Variants in CFDP1 observed in about 807,000 individuals in gnomAD.
CFDP1 encodes heterochromatin-stabilizing protein CFDP1.
Under a neutral mutation model 40.1 loss-of-function variants are expected in CFDP1, and 31 were observed. The observed-to-expected ratio is 0.77, with a 90% CI of 0.58 to 1.04. The LOEUF is 1.04. Among genes scored for constraint, CFDP1 ranks in the 50% least tolerant of loss-of-function variants. The pLI, the probability that CFDP1 is intolerant of heterozygous loss-of-function variation, is 0.00. For missense variants in CFDP1, 423 were observed against 343.4 expected, an observed-to-expected ratio of 1.23 and a Z score of -1.83; for synonymous variants, 167 against 120.0, an observed-to-expected ratio of 1.39 and a Z score of -2.56.
chr16:75,416,517 T>C lies in CFDP1; in HGVS notation c.65-1822A>G, dbSNP rs533317698. ...GGCTCACGCCTATAATCTCAGCCCT[T>C]TGGGAGGCCGAGGCAGGTGGTTCGC... On this transcript the variant is annotated intron_variant, in intron 1 of 6. Transcript: ENST00000283882. 4.7e-5 allele frequency among the ~76,000 whole-genome samples: 7 copies of C among 150,410 alleles called. No individual in the cohort carries two copies. The South Asian group carries it at 1.3e-3, about 27-fold the overall frequency.
chr16:75,414,782 G>T, intron 1 of CFDP1, 87 bp from the exon 2 acceptor site: 1 of 832,202 alleles, frequency 1.2e-6, no homozygotes, highest in Non-Finnish European at 1.9e-6. Flanking sequence ...CTTTCACACC[G>T]AGACATTTTC....
intron 6 of CFDP1, among the ~76,000 whole-genome samples, chr16:75,303,239 G>C (rs950159863): frequency 6.0e-5 from 9 of 151,008 alleles, no homozygotes; most frequent in African/African-American, 2.2e-4. Flanking sequence ...GTAGGCGCGC[G>C]CCTGTAATCC....
intron 5 of CFDP1, among the ~76,000 whole-genome samples, chr16:75,371,953 A>G (rs1390088168): frequency 1.3e-5 from 2 of 152,350 alleles, no homozygotes; most frequent in South Asian, 2.1e-4. Flanking sequence ...ACTAATTTTC[A>G]TTGAGTCCTT....
At chr16:75,322,056 C>T (rs2078367766) in intron 5 of CFDP1, 1 of 152,160 alleles carries the variant, frequency 6.6e-6, no homozygotes, top group African/African-American at 2.4e-5. Flanking sequence ...GATCTCCTGA[C>T]CTTGTGATCC....
chr16:75,413,297 A>G (rs2079178138), intron 2 of CFDP1, among the ~76,000 whole-genome samples: 1 of 152,204 alleles, frequency 6.6e-6, no homozygotes, highest in Non-Finnish European at 1.5e-5. Flanking sequence ...GGCCAGGCGC[A>G]GTGGCTCACA....
intron 4 of CFDP1, among the ~76,000 whole-genome samples, chr16:75,397,657 T>A (rs1208288431): frequency 6.6e-5 from 10 of 151,540 alleles, no homozygotes; most frequent in African/African-American, 9.7e-5. Context: ...TAAAAAAAAT[T>A]AGCCGGGCAT....
At chr16:75,431,416 T>C (rs902489339) in intron 1 of CFDP1, among the ~76,000 whole-genome samples, 3 of 117,404 alleles carry the variant, frequency 2.6e-5, no homozygotes, top group East Asian at 5.8e-4. Context: ...ATCCCGCTAC[T>C]GCACTCCAGC....
At chr16:75,319,483 C>T (rs546701246) in intron 5 of CFDP1, among the ~76,000 whole-genome samples, 91 of 152,242 alleles carry the variant, frequency 6.0e-4, no homozygotes, top group African/African-American at 2.0e-3. Flanking sequence ...TTGCATTACA[C>T]GAGACTGAAG....
chr16:75,355,687 C>T (rs184255381), intron 5 of CFDP1, among the ~76,000 whole-genome samples: 97 of 152,170 alleles, frequency 6.4e-4, no homozygotes, highest in African/African-American at 2.3e-3. Flanking sequence ...GGGCAGTTCC[C>T]CCATGCTGTT....
chr16:75,357,815 A>T (rs1220493356), intron 5 of CFDP1, among the ~76,000 whole-genome samples: 2 of 152,200 alleles, frequency 1.3e-5, no homozygotes, highest in Non-Finnish European at 2.9e-5. Context: ...GCTTCCTTCA[A>T]GAACTTTTCT....
chr16:75,301,864 C>T (rs1326394597), intron 6 of CFDP1: 1 of 152,238 alleles, frequency 6.6e-6, no homozygotes, highest in East Asian at 1.9e-4. Flanking sequence ...AACAGAGCTC[C>T]AGTCCCTTCA....
At chr16:75,302,262 G>A (rs1187357430) in intron 6 of CFDP1, among the ~76,000 whole-genome samples, 2 of 151,096 alleles carry the variant, frequency 1.3e-5, no homozygotes, top group South Asian at 4.2e-4. Flanking sequence ...TTTTTTAATT[G>A]AAAATTTTTA....
intron 1 of CFDP1, chr16:75,419,092 G>A: frequency 2.5e-6 from 1 of 399,960 alleles, no homozygotes; most frequent in South Asian, 1.8e-5. Flanking sequence ...ACAGTAAGCA[G>A]GACGCCGACT....
chr16:75,416,098 C>T (rs147507325), intron 1 of CFDP1, among the ~76,000 whole-genome samples: 46 of 152,112 alleles, frequency 3.0e-4, no homozygotes, highest in African/African-American at 1.0e-3. Flanking sequence ...GTGATCCAGC[C>T]GCCTTGGCCT....
chr16:75,359,425 C>A (rs868152083), intron 5 of CFDP1, among the ~76,000 whole-genome samples: 7 of 152,170 alleles, frequency 4.6e-5, no homozygotes, highest in Non-Finnish European at 7.3e-5. Context: ...AATAGCAAAG[C>A]TCTGCAGAGG....
intron 5 of CFDP1, among the ~76,000 whole-genome samples, chr16:75,339,772 T>C (rs887293320): frequency 6.6e-6 from 1 of 152,202 alleles, no homozygotes; most frequent in Non-Finnish European, 1.5e-5. Flanking sequence ...GTGATGCATG[T>C]TCAGTCTGCC....
At chr16:75,351,572 A>T (rs2078611304) in intron 5 of CFDP1, among the ~76,000 whole-genome samples, 1 of 152,238 alleles carries the variant, frequency 6.6e-6, no homozygotes, top group Admixed American at 6.5e-5. Flanking sequence ...GACTGAAACA[A>T]CATCAAATGT....
chr16:75,385,288 C>A (rs181269729), intron 5 of CFDP1, among the ~76,000 whole-genome samples: 16 of 152,026 alleles, frequency 1.1e-4, no homozygotes. Flanking sequence ...AGGGAAGGAT[C>A]TGCACAAAAC....
At position 75,327,219 on chromosome 16, in the gene CFDP1, A is replaced by C. The variant is rs1376287543; in HGVS notation, c.651-22037T>G. Among the ~76,000 whole-genome samples, 6 of 152,210 alleles carry C rather than the reference A, an allele frequency of 3.9e-5. No homozygotes were observed. In the South Asian group the frequency reaches 6.2e-4, roughly 16 times the overall value. ...GAGGCAGAGCTTGCAGTGAGCCAAG[A>C]TAGAGCCACTGCACTCCAGCCTGGA... On this transcript the variant is annotated intron_variant, in intron 5 of 6. Transcript: ENST00000283882.
Sources: allele counts gnomAD v4.1 joint callset (sites outside exome capture counted in the v4.1 genomes callset), GRCh38; gene constraint gnomAD v4.1.1; transcripts MANE v1.5; gene names NCBI Gene and HGNC (gene_info 2026-07-23, HGNC 2026-07-21).